UVRAG: variants seen among roughly 807,000 people sequenced by gnomAD.
UVRAG encodes the protein UV radiation resistance associated.
A neutral mutation model predicts 78.0 loss-of-function variants in UVRAG; 19 were observed. The observed-to-expected ratio is 0.24, with a 90% confidence interval of 0.17 to 0.36. The LOEUF is 0.36. UVRAG is among the 10% of genes least tolerant of loss of function. UVRAG has a pLI of 1.00. For missense variants in UVRAG, 740 were observed against 853.8 expected (o/e 0.87, Z 1.66); for synonymous variants, 323 against 324.6 (o/e 1.00, Z 0.05).
intron 8 of UVRAG, among the ~76,000 whole-genome samples, chr11:75,990,323 C>T (rs769113727): frequency 6.6e-6 from 1 of 152,194 alleles, no homozygotes; most frequent in Non-Finnish European, 1.5e-5. Context: ...AATAGTAATA[C>T]TTAAAACTGT....
intron 3 of UVRAG, among the ~76,000 whole-genome samples, chr11:75,873,859 A>G (rs1946704699): frequency 6.6e-6 from 1 of 152,200 alleles, no homozygotes; most frequent in African/African-American, 2.4e-5. Flanking sequence ...GAGCAGGCAC[A>G]TCCTCAGGCT....
chr11:75,856,859 A>G (rs558921456), intron 2 of UVRAG, among the ~76,000 whole-genome samples: 2 of 152,106 alleles, frequency 1.3e-5, no homozygotes, highest in Non-Finnish European at 2.9e-5. Context: ...CTTAAACTTG[A>G]TATGTTCAAA....
At chr11:75,820,133 T>C (rs1436782585) in intron 1 of UVRAG, among the ~76,000 whole-genome samples, 2 of 152,032 alleles carry the variant, frequency 1.3e-5, no homozygotes, top group African/African-American at 4.8e-5. Context: ...TGTGCCACCA[T>C]ACCAGTTAAT....
At chr11:76,111,323 T>TA (rs1952063297) in intron 13 of UVRAG, among the ~76,000 whole-genome samples, 1 of 152,076 alleles carries the variant, frequency 6.6e-6, no homozygotes, top group African/African-American at 2.4e-5. Flanking sequence ...GTACCGAGTA[T>TA]CTCATGAAGT....
intron 4 of UVRAG, among the ~76,000 whole-genome samples, chr11:75,885,048 A>G (rs936745107): frequency 1.3e-5 from 2 of 152,106 alleles, no homozygotes; most frequent in Admixed American, 1.3e-4. Context: ...AGTTTTCAGC[A>G]TACAGATCTT....
intron 8 of UVRAG, among the ~76,000 whole-genome samples, chr11:75,992,803 A>T (rs1243584388): frequency 6.6e-6 from 1 of 152,208 alleles, no homozygotes; most frequent in Non-Finnish European, 1.5e-5. Flanking sequence ...ATCTTGAGCC[A>T]AGTTAAAATA....
chr11:76,032,268 C>T (rs1950450577), intron 12 of UVRAG, among the ~76,000 whole-genome samples: 1 of 152,142 alleles, frequency 6.6e-6, no homozygotes, highest in Non-Finnish European at 1.5e-5. Context: ...ATTTATGTCA[C>T]TCTTTAATCC....
At position 75,849,493 on chromosome 11, in the gene UVRAG, C is replaced by CAAAA. The variant is rs59733905; in HGVS notation, c.118-2378_118-2375dup. 5.5e-4 allele frequency among the ~76,000 whole-genome samples: 62 copies of CAAAA among 112,258 alleles called. 2 individuals carry two copies. Among genetic ancestry groups the CAAAA allele is most frequent in the African/African-American group, 1.9e-3 (60 of 31,294 alleles). The allele number at this position is 112,258 out of a possible 152,430, so 73.6% of individuals were successfully genotyped here. ...TGGGCGACAGAGCGAGACTCCATCT[C>CAAAA]AAAAAAAAAAAAAAATTAATGATAA... On this transcript the variant is annotated intron_variant, in intron 1 of 14. Coordinates refer to ENST00000356136, the MANE Select transcript of UVRAG (RefSeq NM_003369.4).
chr11:75,845,828 C>T (rs1017457546), intron 1 of UVRAG, among the ~76,000 whole-genome samples: 2 of 151,848 alleles, frequency 1.3e-5, no homozygotes, highest in African/African-American at 4.8e-5. Flanking sequence ...TATAACAAAA[C>T]CTGTATATGT....
At chr11:75,901,000 C>T (rs1947482115) in intron 5 of UVRAG, among the ~76,000 whole-genome samples, 2 of 152,186 alleles carry the variant, frequency 1.3e-5, no homozygotes, top group South Asian at 4.1e-4. Context: ...TCCTCCTTAA[C>T]TACTCAGTAT....
At chr11:75,983,819 G>A in intron 8 of UVRAG, 1 of 219,964 alleles carries the variant, frequency 4.5e-6, no homozygotes, top group Non-Finnish European at 8.9e-6. Flanking sequence ...GAGTATTTAT[G>A]TATCTAAATA....
chr11:75,976,057 T>C (rs572508144), intron 7 of UVRAG, among the ~76,000 whole-genome samples: 4 of 152,352 alleles, frequency 2.6e-5, no homozygotes, highest in Non-Finnish European at 5.9e-5. Flanking sequence ...ACCTAATTTA[T>C]TGAGAGTTTT....
intron 12 of UVRAG, among the ~76,000 whole-genome samples, chr11:76,037,324 T>C (rs543736105): frequency 6.6e-6 from 1 of 151,930 alleles, no homozygotes; most frequent in African/African-American, 2.4e-5. Context: ...TTAAGAAAAA[T>C]ATCATATCAT....
intron 6 of UVRAG, among the ~76,000 whole-genome samples, chr11:75,960,516 T>C (rs1367113679): frequency 6.6e-6 from 1 of 152,134 alleles, no homozygotes; most frequent in African/African-American, 2.4e-5. Context: ...GCTGTAATCC[T>C]AGTACTTTGA....
At chr11:76,073,135 A>G (rs932221745) in intron 13 of UVRAG, among the ~76,000 whole-genome samples, 1 of 152,174 alleles carries the variant, frequency 6.6e-6, no homozygotes, top group Non-Finnish European at 1.5e-5. Flanking sequence ...TGAAGCAGTA[A>G]AAATTATTGA....
intron 6 of UVRAG, among the ~76,000 whole-genome samples, chr11:75,933,713 G>T (rs1408718309): frequency 6.6e-6 from 1 of 152,158 alleles, no homozygotes; most frequent in East Asian, 1.9e-4. Context: ...ATTTCTCAAA[G>T]GAAGACATAT....
At chr11:76,011,929 CT>C (rs371286188) in intron 11 of UVRAG, among the ~76,000 whole-genome samples, 10 of 152,260 alleles carry the variant, frequency 6.6e-5, no homozygotes, top group African/African-American at 2.4e-4. Context: ...ATCAGGAAAA[CT>C]TTTATAGAGA....
intron 6 of UVRAG, among the ~76,000 whole-genome samples, chr11:75,948,824 G>C (rs1948630168): frequency 6.6e-6 from 1 of 152,126 alleles, no homozygotes; most frequent in African/African-American, 2.4e-5. Context: ...GAAGAAGAAA[G>C]ATAAAGTGGT....
At chr11:75,904,044 C>A (rs186577156) in intron 5 of UVRAG, among the ~76,000 whole-genome samples, 1 of 152,012 alleles carries the variant, frequency 6.6e-6, no homozygotes. Flanking sequence ...GTATAGCTTG[C>A]GACTAAGAAT....
Sources: gnomAD v4.1 joint callset for allele counts (sites outside exome capture counted in the v4.1 genomes callset) on GRCh38, gnomAD v4.1.1 for gene constraint, MANE v1.5 for transcripts, NCBI Gene and HGNC (gene_info 2026-07-23, HGNC 2026-07-21) for gene names.